ITGB4: variants seen among roughly 807,000 people sequenced by gnomAD.
ITGB4 encodes the protein integrin subunit beta 4.
ITGB4 carries 159 observed loss-of-function variants against 207.6 expected under a neutral mutation model. The observed-to-expected ratio is 0.77, with a 90% CI of 0.67 to 0.87. The LOEUF is 0.87. Ranked by LOEUF, ITGB4 falls within the 40% of genes least tolerant of loss-of-function variation. The pLI is 0.00. For synonymous variants in ITGB4, 1,020 were observed against 1,062.7 expected, an observed-to-expected ratio of 0.96 and a Z score of 0.78; for missense variants, 2,278 against 2,546.8, an observed-to-expected ratio of 0.89 and a Z score of 2.27.
Position 75,750,653 on chromosome 17 carries a change from G to T in ITGB4, c.3475-27G>T. 2 of 1,609,052 alleles carry T rather than the reference G, an allele frequency of 1.2e-6. No individual in the cohort carries two copies. Among genetic ancestry groups the T allele is most frequent in the South Asian group, 2.2e-5 (2 of 90,800 alleles). On this transcript the variant is annotated intron_variant, in intron 28 of 39. Coordinates refer to ENST00000200181, the MANE Select transcript of ITGB4 (RefSeq NM_000213.5). This position sits in a 1 kb window ranked among gnomAD's most constrained non-coding sequence, Gnocchi z 5.5. Reference sequence around the variant, plus strand: ...GCTTGGGTGCCTGCTGCTCCCTGCTGACCAGGACCCCTGTCCCTGGGGGTA... The same window carrying T: ...GCTTGGGTGCCTGCTGCTCCCTGCTTACCAGGACCCCTGTCCCTGGGGGTA...
At position 75,753,699 on chromosome 17, in the gene ITGB4, C is replaced by G. The variant is rs969988812; in HGVS notation, c.4109-66C>G. The G allele has an allele frequency of 5.3e-6, 6 of 1,131,056 alleles. No homozygotes were observed. The South Asian group carries it at 1.8e-4, about 34-fold the overall frequency. 70.1% of individuals were successfully genotyped at this position (1,131,056 alleles called of 1,614,324 possible). A position where few individuals can be genotyped will look rare whatever the true frequency, so the allele number is the denominator to read the frequency against. On this transcript the variant is annotated intron_variant, in intron 32 of 39. Coordinates refer to ENST00000200181, the MANE Select transcript of ITGB4 (RefSeq NM_000213.5). ...CCCCTCGCAGAGCCTACGGCCTTCC[C>G]CCGCCTGGCCCTGCTCGGCCCGGCG...
rs1253754564 is a variant in ITGB4, at chr17:75,743,769, G to A, written c.3019G>A (p.Val1007Met). 1.2e-6 allele frequency: 2 copies of A among 1,613,536 alleles called. No individual in the cohort carries two copies. The highest frequency in any genetic ancestry group is 2.2e-5 in the East Asian group (1 of 44,890). Residue 1007 changes from valine (V) to methionine (M), a missense_variant, in exon 26 of 40, where the codon GTG becomes ATG. By Grantham distance (21) the Val-to-Met change is conservative. Coordinates refer to ENST00000200181, the MANE Select transcript of ITGB4 (RefSeq NM_000213.5). ...GTTCTCGGTCAGCCGCGGGGACCAG[G>A]TGGCCCGCATCCCTGTCATCCGGCG... ...PEFSVSRGDQ[V>M]ARIPVIRRVL...
In ITGB4 at chr17:75,729,530, C is replaced by A; in HGVS notation, c.738+94C>A. On this transcript the variant is annotated intron_variant, in intron 7 of 39. Transcript: ENST00000200181. The surrounding 1 kb of genome is among the most constrained non-coding windows in gnomAD (Gnocchi z 4.4). ...CCCCCTGGCCTGCTCTGGTGCCAGG[C>A]TCACAGGCCCTGAGGGAAAGCCTGG... The A allele has an allele frequency of 7.5e-7, 1 of 1,341,714 alleles. No individual in the cohort carries two copies. Among genetic ancestry groups the A allele is most frequent in the Non-Finnish European group, 1.0e-6 (1 of 988,908 alleles). The allele number at this position is 1,341,714 out of a possible 1,614,324, so 83.1% of individuals were successfully genotyped here.
Position 75,727,139 on chromosome 17 carries a change from A to G in ITGB4, c.80-56A>G, listed in dbSNP as rs2060735079. ...CTCCAGGTGAAGGTGCAGGTGGGAAAGTGCTTGCCTTTGCTGAGCGCCTCC... is the reference window on the plus strand; with the variant it reads ...CTCCAGGTGAAGGTGCAGGTGGGAAGGTGCTTGCCTTTGCTGAGCGCCTCC... On this transcript the variant is annotated intron_variant, in intron 2 of 39. Coordinates refer to ENST00000200181, the MANE Select transcript of ITGB4 (RefSeq NM_000213.5). The surrounding 1 kb of genome is among the most constrained non-coding windows in gnomAD (Gnocchi z 6.0). 1 of 1,431,782 alleles carries G rather than the reference A, an allele frequency of 7.0e-7. No homozygotes were observed. Among genetic ancestry groups the G allele is most frequent in the South Asian group, 1.2e-5 (1 of 85,646 alleles). 88.7% of individuals were successfully genotyped at this position (1,431,782 alleles called of 1,614,324 possible).
At position 75,740,810 on chromosome 17, in the gene ITGB4, G is replaced by A. The variant is rs758782587; in HGVS notation, c.2568G>A (p.Arg856=). Residue 856 remains arginine, a synonymous_variant, in exon 22 of 40, where the codon AGG becomes AGA. Transcript: ENST00000200181. This position sits in a 1 kb window ranked among gnomAD's most constrained non-coding sequence, Gnocchi z 5.9. ...EVEENLNEVY[R]QISGVHKLQQ... ...CCTGGCAGCTGAACGAGGTCTACAG[G>A]CAGATCTCCGGTGTACACAAGCTCC... 6.2e-7 allele frequency: 1 copy of A among 1,613,282 alleles called. No homozygotes were observed. Among genetic ancestry groups the A allele is most frequent in the African/African-American group, 1.3e-5 (1 of 74,906 alleles).
At chr17:75,755,329 C>T in intron 34 of ITGB4, 1 of 1,136,954 alleles carries the variant, frequency 8.8e-7, no homozygotes, top group South Asian at 1.5e-5. Flanking sequence ...CCACAGGACC[C>T]CCGCCTGCCC....
chr17:75,736,413 G>C (rs779496340), intron 15 of ITGB4, 27 bp downstream of exon 15: 1 of 1,612,420 alleles, frequency 6.2e-7, no homozygotes, highest in Admixed American at 1.7e-5. Context: ...CGAGGTGTGG[G>C]CGTGGGAACA....
In ITGB4 at chr17:75,727,618, C is replaced by T; in HGVS notation, c.265-33C>T. On this transcript the variant is annotated intron_variant, in intron 4 of 39. Transcript: ENST00000200181. This position sits in a 1 kb window ranked among gnomAD's most constrained non-coding sequence, Gnocchi z 6.0. ...CCCCCATCGGGCCTCCGGAGTGACCCTCTAGCCAGCTGTCCCCTTCCACTG... is the reference window on the plus strand; with the variant it reads ...CCCCCATCGGGCCTCCGGAGTGACCTTCTAGCCAGCTGTCCCCTTCCACTG... The T allele has an allele frequency of 6.3e-7, 1 of 1,585,618 alleles. No homozygotes were observed. Among genetic ancestry groups the T allele is most frequent in the South Asian group, 1.1e-5 (1 of 88,416 alleles).
rs1450700191 is a variant in ITGB4, at chr17:75,736,662, T to C, written c.1958T>C (p.Phe653Ser). ...KKGRTCEECN[F>S]KVKMVDELKR... ...GGGCGCACGTGTGAGGAATGCAACT[T>C]CAAGGTCAAGATGGTGGACGAGCTT... Residue 653 changes from phenylalanine (F) to serine (S), a missense_variant, in exon 16 of 40, where the codon TTC becomes TCC. Coordinates refer to ENST00000200181, the MANE Select transcript of ITGB4 (RefSeq NM_000213.5). 2 of 1,598,354 alleles carry C rather than the reference T, an allele frequency of 1.3e-6. No individual in the cohort carries two copies. The highest frequency in any genetic ancestry group is 1.7e-6 in the Non-Finnish European group (2 of 1,173,806).
At chr17:75,755,243 C>T in intron 34 of ITGB4, 7 of 1,591,480 alleles carry the variant, frequency 4.4e-6, no homozygotes, top group Non-Finnish European at 6.0e-6. Flanking sequence ...CCTGTCTCCA[C>T]AGCTGTCCTG....
Position 75,729,577 on chromosome 17 carries a change from T to C in ITGB4, c.738+141T>C, listed in dbSNP as rs925658786. 2.4e-6 allele frequency: 2 copies of C among 832,272 alleles called. No individual in the cohort carries two copies. The highest frequency in any genetic ancestry group is 2.9e-5 in the Admixed American group (1 of 34,050). The allele number at this position is 832,272 out of a possible 1,614,324, so 51.6% of individuals were successfully genotyped here. On this transcript the variant is annotated intron_variant, in intron 7 of 39. Transcript: ENST00000200181. The surrounding 1 kb of genome is among the most constrained non-coding windows in gnomAD (Gnocchi z 4.4). ...CTGGGAGCCTGCAACCCCTTCACCC[T>C]GAGACAAGCTCAGACTCTGTGAGTA...
At chr17:75,734,551 G>A (rs754151358) in intron 13 of ITGB4, among the ~76,000 whole-genome samples, 1 of 152,128 alleles carries the variant, frequency 6.6e-6, no homozygotes, top group Non-Finnish European at 1.5e-5. Flanking sequence ...CATCAGAGCT[G>A]GGCAGGATCA....
chr17:75,748,164 C>T (rs1447588177), intron 26 of ITGB4, among the ~76,000 whole-genome samples: 1 of 137,808 alleles, frequency 7.3e-6, no homozygotes, highest in East Asian at 2.1e-4. Flanking sequence ...AGTTCAAGAC[C>T]AGCCTAGGCA....
rs995547851 is a variant in ITGB4 at position 75,753,881 on chromosome 17, G to A, written c.4225G>A (p.Asp1409Asn). The A allele has an allele frequency of 1.1e-5, 14 of 1,324,302 alleles. No homozygotes were observed. The African/African-American group carries it at 1.7e-4, about 16-fold the overall frequency. The allele number at this position is 1,324,302 out of a possible 1,614,324, so 82.0% of individuals were successfully genotyped here. A position where few individuals can be genotyped will look rare whatever the true frequency, so the allele number is the denominator to read the frequency against. The change falls in exon 33 of 40, where the codon GAC (aspartate) becomes AAC (asparagine). Residue 1409 changes from aspartate (D) to asparagine (N), a missense_variant. Asp to Asn is a conservative substitution (Grantham distance 23, BLOSUM62 1). Transcript: ENST00000200181. ...RLSASSGRSS[D>N]AEAPHGPPDD... Reference sequence around the variant, plus strand: ...GTCGGCCAGCAGCGGGCGCTCCTCCGACGCCGAGGCGCCCCACGGGCCCCC... The same window carrying A: ...GTCGGCCAGCAGCGGGCGCTCCTCCAACGCCGAGGCGCCCCACGGGCCCCC...
chr17:75,729,240 C>CT lies in ITGB4; in HGVS notation c.567-24dup. On this transcript the variant is annotated intron_variant, in intron 6 of 39. Transcript: ENST00000200181. This position sits in a 1 kb window ranked among gnomAD's most constrained non-coding sequence, Gnocchi z 4.4. ...TGCGGCGTCTTCCCCCTGTGACACT[C>CT]TCTCTCCCTCCCACCTCTGCCCAGG... 1.3e-6 allele frequency: 2 copies of CT among 1,578,478 alleles called. No homozygotes were observed. Among genetic ancestry groups the CT allele is most frequent in the Non-Finnish European group, 1.7e-6 (2 of 1,150,288 alleles).
chr17:75,749,229 C>A (rs1478191295), intron 27 of ITGB4, among the ~76,000 whole-genome samples, 184 bp downstream of exon 27: 1 of 151,430 alleles, frequency 6.6e-6, no homozygotes, highest in Non-Finnish European at 1.5e-5. Context: ...CATACTTATC[C>A]TTTTTTTTGC....
chr17:75,727,871 A>G lies in ITGB4; in HGVS notation c.469+16A>G. On this transcript the variant is annotated intron_variant, in intron 5 of 39. Transcript: ENST00000200181. The surrounding 1 kb of genome is among the most constrained non-coding windows in gnomAD (Gnocchi z 6.0). Reference sequence around the variant, plus strand: ...CAGAACCTGGGTACGGCAGGGCCAGAGTGGAGGACAGCAGGGCAGGAGGGG... The same window carrying G: ...CAGAACCTGGGTACGGCAGGGCCAGGGTGGAGGACAGCAGGGCAGGAGGGG... The G allele has an allele frequency of 6.2e-7, 1 of 1,612,234 alleles. No individual in the cohort carries two copies. The highest frequency in any genetic ancestry group is 8.5e-7 in the Non-Finnish European group (1 of 1,179,010).
chr17:75,749,722 T>C lies in ITGB4; in HGVS notation c.3317-389T>C, dbSNP rs547034855. Among the ~76,000 whole-genome samples the C allele has an allele frequency of 4.9e-4, 75 of 152,212 alleles. 5 individuals are homozygous for C. The highest frequency in any genetic ancestry group is 3.7e-3 in the South Asian group (18 of 4,816). On this transcript the variant is annotated intron_variant, in intron 27 of 39. Coordinates refer to ENST00000200181, the MANE Select transcript of ITGB4 (RefSeq NM_000213.5). ...CTTGTGGAAGGAAGGAGTGGGCCAG[T>C]TAGTTCCTATCAGCCCTCAGCCTCC...
rs2060756122 is a variant in ITGB4 at position 75,727,851 on chromosome 17, C to G, written c.465C>G (p.Asn155Lys). 1 of 1,613,522 alleles carries G rather than the reference C, an allele frequency of 6.2e-7. No homozygotes were observed. The highest frequency in any genetic ancestry group is 1.3e-5 in the African/African-American group (1 of 74,886). Residue 155 changes from asparagine to lysine, a missense_variant, in exon 5 of 40, where the codon AAC (asparagine) becomes AAG (lysine). Physicochemically the swap from Asn to Lys is moderately conservative, Grantham distance 94 (BLOSUM62 0). Coordinates refer to ENST00000200181, the MANE Select transcript of ITGB4 (RefSeq NM_000213.5). The surrounding 1 kb of genome is among the most constrained non-coding windows in gnomAD (Gnocchi z 6.0). ...DLDNLKKMGQ[N>K]LARVLSQLTS... The stretch of plus-strand genomic sequence containing the variant: ...ACAACCTCAAGAAGATGGGGCAGAA[C>G]CTGGGTACGGCAGGGCCAGAGTGGA...
Sources: gnomAD v4.1 joint callset for allele counts (sites outside exome capture counted in the v4.1 genomes callset) on GRCh38, gnomAD v4.1.1 for gene constraint, Gnocchi (gnomAD v3.1) non-coding constraint, MANE v1.5 for transcripts, NCBI Gene and HGNC (gene_info 2026-07-23, HGNC 2026-07-21) for gene names.